The following TBC1D32 variants were observed in gnomAD, a reference collection of about 807,000 sequenced individuals.
TBC1D32 encodes TBC1 domain family member 32.
In TBC1D32, 151 loss-of-function variants were observed where a neutral mutation model predicts 170.3. The ratio of observed to expected loss-of-function variants is 0.89; its 90% CI spans 0.78 to 1.01. TBC1D32 has a LOEUF of 1.01. Among genes scored for constraint, TBC1D32 ranks in the 50% least tolerant of loss-of-function variants. The pLI is 0.00. For synonymous variants in TBC1D32, 498 were observed against 488.0 expected (o/e 1.02, Z -0.27); for missense variants, 1,464 against 1,457.1 (o/e 1.00, Z -0.08).
At chr6:121,255,469 T>A in intron 16 of TBC1D32, 59 bp from the exon 17 acceptor site, 1 of 392,980 alleles carries the variant, frequency 2.5e-6, no homozygotes, top group Non-Finnish European at 4.2e-6. Context: ...TATATTTATA[T>A]TTTATAATTA....
chr6:121,308,686 C>CTTTTTTTTTTTTTTTTTTTTTTTTT (rs67847088), intron 4 of TBC1D32, among the ~76,000 whole-genome samples: 1 of 112,572 alleles, frequency 8.9e-6, no homozygotes, highest in African/African-American at 3.9e-5. Context: ...AAGCTTACTT[C>CTTTTTTTTTTTTTTTTTTTTTTTTT]TTTTTTTTTT....
chr6:121,099,705 T>C (rs2128184907), intron 30 of TBC1D32, among the ~76,000 whole-genome samples: 1 of 152,026 alleles, frequency 6.6e-6, no homozygotes, highest in Non-Finnish European at 1.5e-5. Flanking sequence ...TGGTAAATAA[T>C]ATCAACAGAG....
intron 22 of TBC1D32, among the ~76,000 whole-genome samples, chr6:121,198,042 A>C (rs901470080): frequency 6.8e-6 from 1 of 146,148 alleles, no homozygotes; most frequent in Non-Finnish European, 1.5e-5. Flanking sequence ...TTGGACTCCA[A>C]GTTCTTCAGT....
chr6:121,207,978 T>C (rs972776629), intron 21 of TBC1D32, among the ~76,000 whole-genome samples: 11 of 152,040 alleles, frequency 7.2e-5, no homozygotes, highest in African/African-American at 2.7e-4. Flanking sequence ...TTATGATTGG[T>C]TAGCCTATGA....
intron 26 of TBC1D32, among the ~76,000 whole-genome samples, chr6:121,120,918 C>T (rs534080102): frequency 4.6e-5 from 7 of 151,990 alleles, no homozygotes; most frequent in African/African-American, 1.7e-4. Flanking sequence ...CATTAGATAT[C>T]ATTATGTGTA....
intron 22 of TBC1D32, among the ~76,000 whole-genome samples, chr6:121,194,917 T>C (rs1276964370): frequency 1.3e-5 from 2 of 152,182 alleles, no homozygotes; most frequent in African/African-American, 2.4e-5. Context: ...TGCAAGAAGA[T>C]GGGAAATAAA....
intron 31 of TBC1D32, among the ~76,000 whole-genome samples, chr6:121,085,861 T>C (rs922705861): frequency 6.6e-6 from 1 of 152,034 alleles, no homozygotes; most frequent in Non-Finnish European, 1.5e-5. Context: ...AGACTTGACT[T>C]AGTCTTGGCT....
At chr6:121,248,202 A>G (rs1321471594) in intron 17 of TBC1D32, among the ~76,000 whole-genome samples, 1 of 152,090 alleles carries the variant, frequency 6.6e-6, no homozygotes, top group Non-Finnish European at 1.5e-5. Context: ...AAATTAAACA[A>G]TCTTTTCTTG....
At chr6:121,297,941 T>C (rs1436926462) in intron 10 of TBC1D32, among the ~76,000 whole-genome samples, 1 of 152,040 alleles carries the variant, frequency 6.6e-6, no homozygotes, top group African/African-American at 2.4e-5. Context: ...CAGGTCATCA[T>C]GCTAAACAGG....
chr6:121,310,433 GA>G (rs1808021779), intron 4 of TBC1D32, among the ~76,000 whole-genome samples: 1 of 151,916 alleles, frequency 6.6e-6, no homozygotes, highest in African/African-American at 2.4e-5. Context: ...AGTAAAAAAA[GA>G]ATTAAAAATC....
At chr6:121,195,043 C>G (rs928711879) in intron 22 of TBC1D32, among the ~76,000 whole-genome samples, 2 of 152,210 alleles carry the variant, frequency 1.3e-5, no homozygotes, top group African/African-American at 4.8e-5. Flanking sequence ...TTTGGCCTCT[C>G]CTACAAACAA....
At chr6:121,286,112 C>A (rs570405417) in intron 12 of TBC1D32, among the ~76,000 whole-genome samples, 18 of 152,262 alleles carry the variant, frequency 1.2e-4, no homozygotes, top group African/African-American at 4.3e-4. Context: ...CAGCTCCTAA[C>A]CAGCAACGGA....
intron 20 of TBC1D32, among the ~76,000 whole-genome samples, chr6:121,227,264 G>C (rs1044887519): frequency 6.6e-6 from 1 of 152,112 alleles, no homozygotes; most frequent in Non-Finnish European, 1.5e-5. Context: ...GTTTGTGCTG[G>C]TGGAGTGAGA....
At chr6:121,326,030 T>A (rs997423908) in intron 1 of TBC1D32, among the ~76,000 whole-genome samples, 1 of 152,330 alleles carries the variant, frequency 6.6e-6, no homozygotes, top group Admixed American at 6.5e-5. Context: ...ATGCTCATTA[T>A]CACTGGTCAT....
intron 5 of TBC1D32, 139 bp downstream of exon 5, chr6:121,307,837 G>A: frequency 1.1e-6 from 1 of 934,960 alleles, no homozygotes; most frequent in Admixed American, 3.1e-5. Flanking sequence ...ACTCCAGCCT[G>A]GGCAAAAAGA....
chr6:121,258,142 T>C (rs1799287964), intron 15 of TBC1D32, among the ~76,000 whole-genome samples: 1 of 152,178 alleles, frequency 6.6e-6, no homozygotes, highest in Non-Finnish European at 1.5e-5. Flanking sequence ...TTAAAAAATC[T>C]TAGTTCCTTA....
chr6:121,158,473 T>C (rs1337668690), intron 24 of TBC1D32, among the ~76,000 whole-genome samples: 1 of 152,170 alleles, frequency 6.6e-6, no homozygotes, highest in African/African-American at 2.4e-5. Flanking sequence ...TGATCTTCCT[T>C]ACCAGCCAGA....
intron 24 of TBC1D32, among the ~76,000 whole-genome samples, chr6:121,153,894 G>C (rs1320070426): frequency 1.3e-5 from 2 of 152,156 alleles, no homozygotes; most frequent in Non-Finnish European, 2.9e-5. Flanking sequence ...CTGTCAGTGA[G>C]AATTTCAAGC....
At chr6:121,265,636 A>G (rs1190486750) in intron 15 of TBC1D32, among the ~76,000 whole-genome samples, 1 of 152,140 alleles carries the variant, frequency 6.6e-6, no homozygotes, top group African/African-American at 2.4e-5. Context: ...CTAAACAAAA[A>G]GAACAAATCT....
Sources: gnomAD v4.1 joint callset for allele counts (sites outside exome capture counted in the v4.1 genomes callset) on GRCh38, gnomAD v4.1.1 for gene constraint, MANE v1.5 for transcripts, NCBI Gene and HGNC (gene_info 2026-07-23, HGNC 2026-07-21) for gene names.